The following PLCB1 variants were observed in gnomAD, a reference collection of about 807,000 sequenced individuals.
PLCB1 encodes phospholipase C beta 1, also known as 1-phosphatidylinositol 4,5-bisphosphate phosphodiesterase beta-1.
Under a neutral mutation model 161.8 loss-of-function variants are expected in PLCB1, and 46 were observed. That is an observed-to-expected ratio of 0.28 (90% CI 0.22 to 0.36). The LOEUF (loss-of-function observed/expected upper bound fraction) is 0.36. Among genes scored for constraint, PLCB1 ranks in the 10% least tolerant of loss-of-function variants. PLCB1 has a pLI of 1.00. For synonymous variants in PLCB1, 517 were observed against 503.7 expected (o/e 1.03, Z -0.35); for missense variants, 1,016 against 1,472.5 (o/e 0.69, Z 5.07).
chr20:8,629,970 CTTTCTTTCTTTCTTTCT>C (rs1568536275), intron 4 of PLCB1, among the ~76,000 whole-genome samples: 3 of 21,318 alleles, frequency 1.4e-4, no homozygotes, highest in African/African-American at 4.1e-4. Context: ...TTTCTTCTTT[CTTTCTTTCTTTCTTTCT>C]TTCTTTCTTT....
intron 2 of PLCB1, among the ~76,000 whole-genome samples, chr20:8,362,550 T>C (rs1986576409): frequency 6.6e-6 from 1 of 152,228 alleles, no homozygotes; most frequent in African/African-American, 2.4e-5. Flanking sequence ...TAGCTGCATT[T>C]AACTTTCAAC....
chr20:8,509,434 G>A (rs6118218), intron 3 of PLCB1, among the ~76,000 whole-genome samples: 15,836 of 152,234 alleles, frequency 0.1, 877 homozygotes, highest in Middle Eastern at 0.17. Flanking sequence ...TATATGCAAA[G>A]TAAAGCAATC....
At chr20:8,608,568 A>G (rs1987820419) in intron 3 of PLCB1, among the ~76,000 whole-genome samples, 1 of 152,232 alleles carries the variant, frequency 6.6e-6, no homozygotes, top group South Asian at 2.1e-4. Flanking sequence ...AATAACTCAA[A>G]TAAGAAAATA....
At position 8,548,463 on chromosome 20, in the gene PLCB1, T is replaced by G. The variant is rs146069934; in HGVS notation, c.247-79831T>G. 1.9e-4 allele frequency among the ~76,000 whole-genome samples: 29 copies of G among 149,634 alleles called. No individual in the cohort carries two copies. The East Asian group carries it at 5.5e-3, about 28-fold the overall frequency. On this transcript the variant is annotated intron_variant, in intron 3 of 31. Coordinates refer to ENST00000338037, the MANE Select transcript of PLCB1 (RefSeq NM_015192.4). ...CATCCTGTTTTCATTAATTTGTTCTTTCTTTCCATCATCTATCTTTCTATC... is the reference window on the plus strand; with the variant it reads ...CATCCTGTTTTCATTAATTTGTTCTGTCTTTCCATCATCTATCTTTCTATC...
At chr20:8,535,202 C>CAAAAAAAAAAA (rs11323420) in intron 3 of PLCB1, among the ~76,000 whole-genome samples, 1 of 52,802 alleles carries the variant, frequency 1.9e-5, no homozygotes, top group African/African-American at 6.9e-5. Context: ...AGTTTATGGG[C>CAAAAAAAAAAA]AAAAAAAAAA....
At chr20:8,812,022 T>G (rs911553946) in intron 31 of PLCB1, among the ~76,000 whole-genome samples, 1 of 152,188 alleles carries the variant, frequency 6.6e-6, no homozygotes, top group African/African-American at 2.4e-5. Context: ...AGTGAAAAAT[T>G]TTGTAAAACA....
intron 1 of PLCB1, among the ~76,000 whole-genome samples, chr20:8,149,636 C>G (rs2051489295): frequency 6.6e-6 from 1 of 152,062 alleles, no homozygotes; most frequent in African/African-American, 2.4e-5. Flanking sequence ...GATGGTATGT[C>G]TTTCTGAAAA....
At chr20:8,721,264 G>T (rs1262826603) in intron 14 of PLCB1, among the ~76,000 whole-genome samples, 3 of 152,198 alleles carry the variant, frequency 2.0e-5, no homozygotes, top group African/African-American at 7.2e-5. Flanking sequence ...GCAGTGGGCA[G>T]GGGTGCAAGT....
chr20:8,221,753 A>C (rs536667716), intron 2 of PLCB1, among the ~76,000 whole-genome samples: 2 of 152,230 alleles, frequency 1.3e-5, no homozygotes, highest in African/African-American at 4.8e-5. Context: ...ACATTCAGAG[A>C]AGAGAAGTTC....
rs192619227 is a variant in PLCB1 at position 8,605,100 on chromosome 20, A to G, written c.247-23194A>G. 5.1e-3 allele frequency among the ~76,000 whole-genome samples: 782 copies of G among 152,248 alleles called. 21 individuals are homozygous for G. The highest frequency in any genetic ancestry group is 0.043 in the Admixed American group (660 of 15,252). On this transcript the variant is annotated intron_variant, in intron 3 of 31. Transcript: ENST00000338037. ...TATTATAGACATAATACATTACTAT[A>G]TAGAATACTGGAAAATATCGTAAAA...
At chr20:8,563,045 T>A (rs1370479514) in intron 3 of PLCB1, among the ~76,000 whole-genome samples, 1 of 152,000 alleles carries the variant, frequency 6.6e-6, no homozygotes, top group Non-Finnish European at 1.5e-5. Flanking sequence ...CCTATGAGAC[T>A]TATAGTATGT....
At chr20:8,616,856 G>A (rs1367912333) in intron 3 of PLCB1, among the ~76,000 whole-genome samples, 1 of 151,596 alleles carries the variant, frequency 6.6e-6, no homozygotes, top group Non-Finnish European at 1.5e-5. Flanking sequence ...TGTACTGTAT[G>A]TACTGCACTC....
intron 3 of PLCB1, among the ~76,000 whole-genome samples, chr20:8,385,939 C>T (rs1308809942): frequency 1.3e-5 from 2 of 152,230 alleles, no homozygotes; most frequent in East Asian, 3.9e-4. Flanking sequence ...CTGATGGCTG[C>T]TGCTCCTAGT....
chr20:8,363,591 T>G (rs1270342155), intron 2 of PLCB1, among the ~76,000 whole-genome samples: 1 of 152,200 alleles, frequency 6.6e-6, no homozygotes. Context: ...TCACTCTTGC[T>G]GTATTACATA....
intron 2 of PLCB1, among the ~76,000 whole-genome samples, chr20:8,183,893 A>G (rs1287055104): frequency 6.6e-6 from 1 of 152,212 alleles, no homozygotes; most frequent in Non-Finnish European, 1.5e-5. Flanking sequence ...TACTATTTGA[A>G]TAACCACAAA....
chr20:8,728,932 G>A lies in PLCB1; in HGVS notation c.1764-118G>A, dbSNP rs750022766. ...ACTAAATATCCCAAAGTAGCCCAAC[G>A]AGATCATCAATATTTACTTCATTTT... On this transcript the variant is annotated intron_variant, in intron 17 of 31. Transcript: ENST00000338037. 138 of 581,978 alleles carry A rather than the reference G, an allele frequency of 2.4e-4. 1 individual carries two copies. The highest frequency in any genetic ancestry group is 2.6e-4 in the Admixed American group (7 of 27,430). 36.1% of individuals were successfully genotyped at this position (581,978 alleles called of 1,614,324 possible).
At chr20:8,742,494 C>T (rs1304096291) in intron 23 of PLCB1, among the ~76,000 whole-genome samples, 3 of 151,984 alleles carry the variant, frequency 2.0e-5, no homozygotes, top group African/African-American at 7.2e-5. Flanking sequence ...AAATTTAAAA[C>T]GTAAAAATGA....
At chr20:8,334,732 T>C (rs570445764) in intron 2 of PLCB1, among the ~76,000 whole-genome samples, 1 of 152,352 alleles carries the variant, frequency 6.6e-6, no homozygotes, top group Non-Finnish European at 1.5e-5. Flanking sequence ...GTTGCTATCC[T>C]GAAACAGGTC....
intron 16 of PLCB1, among the ~76,000 whole-genome samples, chr20:8,726,017 T>TA (rs1328932487): frequency 6.6e-6 from 1 of 152,080 alleles, no homozygotes; most frequent in East Asian, 1.9e-4. Flanking sequence ...TGGACCAAAA[T>TA]AAGAGAAGCC....
Sources: allele counts gnomAD v4.1 joint callset (sites outside exome capture counted in the v4.1 genomes callset), GRCh38; gene constraint gnomAD v4.1.1; transcripts MANE v1.5; gene names NCBI Gene and HGNC (gene_info 2026-07-23, HGNC 2026-07-21).